PLA2R1: variants seen among roughly 807,000 people sequenced by gnomAD.
PLA2R1 encodes the protein secretory phospholipase A2 receptor.
A neutral mutation model predicts 195.9 loss-of-function variants in PLA2R1; 158 were observed. The observed-to-expected ratio is 0.81, with a 90% CI of 0.71 to 0.92. PLA2R1 has a LOEUF of 0.92. Among genes scored for constraint, PLA2R1 ranks in the 40% least tolerant of loss-of-function variants. The pLI, the probability that PLA2R1 is intolerant of heterozygous loss-of-function variation, is 0.00. For missense variants in PLA2R1, 1,626 were observed against 1,764.6 expected (o/e 0.92, Z 1.41); for synonymous variants, 586 against 598.2 (o/e 0.98, Z 0.30).
Position 160,024,764 on chromosome 2 carries a change from C to A in PLA2R1, c.1100-1905G>T, listed in dbSNP as rs549960654. The stretch of plus-strand genomic sequence containing the variant: ...ACATCCTGCCCTCCAACACAAACAG[C>A]TGTAGCACCTTGCCTTCCTGGAACT... On this transcript the variant is annotated intron_variant, in intron 6 of 29. Coordinates refer to ENST00000283243, the MANE Select transcript of PLA2R1 (RefSeq NM_007366.5). Among the ~76,000 whole-genome samples, 4 of 152,306 alleles carry A rather than the reference C, an allele frequency of 2.6e-5. No individual in the cohort carries two copies. In the East Asian group the frequency reaches 7.7e-4, roughly 29 times the overall value.
chr2:160,016,820 A>T, intron 8 of PLA2R1, 108 bp from the exon 9 acceptor site: 1 of 637,864 alleles, frequency 1.6e-6, no homozygotes, highest in Non-Finnish European at 2.8e-6. Flanking sequence ...CCCGCGTGGG[A>T]TAATGTTTCA....
rs910854860 is a variant in PLA2R1 at position 159,949,706 on chromosome 2, G to A, written c.3611C>T (p.Ser1204Phe). ...GGCAAAAACGCAGTCACCAAGGAGG[G>A]AGGACTCCTCATCTTTCCAAAAAGT... ...SFTFWKDEES[S>F]LLGDCVFADS... Residue 1204 changes from serine (S) to phenylalanine (F), a missense_variant, in exon 25 of 30, where the codon TCC (serine) becomes TTC (phenylalanine). Ser to Phe is a radical substitution (Grantham distance 155). Transcript: ENST00000283243. The A allele has an allele frequency of 2.5e-6, 4 of 1,613,602 alleles. No homozygotes were observed. The highest frequency in any genetic ancestry group is 2.7e-5 in the African/African-American group (2 of 74,936).
intron 3 of PLA2R1, among the ~76,000 whole-genome samples, chr2:160,035,984 T>G (rs764965870): frequency 2.6e-5 from 4 of 152,202 alleles, no homozygotes; most frequent in African/African-American, 9.6e-5. Context: ...TTCCCATGCC[T>G]GGCTACCCTT....
chr2:159,986,304 T>C (rs114720750), intron 12 of PLA2R1, among the ~76,000 whole-genome samples: 4,377 of 152,172 alleles, frequency 0.029, 104 homozygotes, highest in South Asian at 0.047. Flanking sequence ...GCGATGCAAA[T>C]ATTAAAAAAA....
chr2:159,975,972 C>A, intron 17 of PLA2R1, 96 bp downstream of exon 17: 1 of 875,170 alleles, frequency 1.1e-6, no homozygotes, highest in Non-Finnish European at 1.9e-6. Flanking sequence ...AAATAAATAT[C>A]CGAAGTCAAA....
intron 16 of PLA2R1, 138 bp from the exon 17 acceptor site, chr2:159,976,363 C>G: frequency 1.1e-5 from 6 of 555,242 alleles, no homozygotes; most frequent in South Asian, 2.4e-5. Context: ...CACACACAGA[C>G]ACATATGCAC....
At chr2:160,031,341 T>G (rs1181968157) in intron 4 of PLA2R1, among the ~76,000 whole-genome samples, 2 of 152,228 alleles carry the variant, frequency 1.3e-5, no homozygotes, top group Non-Finnish European at 2.9e-5. Context: ...CACTAACTTA[T>G]ACTACTATGT....
At chr2:159,994,790 A>G (rs1164261279) in intron 11 of PLA2R1, among the ~76,000 whole-genome samples, 1 of 151,102 alleles carries the variant, frequency 6.6e-6, no homozygotes, top group Non-Finnish European at 1.5e-5. Flanking sequence ...TACTAAGTTG[A>G]AAAAAAAATG....
chr2:160,004,609 G>C (rs1691846780), intron 11 of PLA2R1, among the ~76,000 whole-genome samples: 1 of 152,204 alleles, frequency 6.6e-6, no homozygotes, highest in Non-Finnish European at 1.5e-5. Context: ...GGGCCCCTAA[G>C]CCATTTCCTC....
At chr2:159,974,082 C>A (rs1689373983) in intron 17 of PLA2R1, among the ~76,000 whole-genome samples, 1 of 152,132 alleles carries the variant, frequency 6.6e-6, no homozygotes. Context: ...AAGTTCCCAG[C>A]AGAGCTAAGC....
At chr2:160,059,491 G>A (rs2105722503) in intron 1 of PLA2R1, among the ~76,000 whole-genome samples, 1 of 152,316 alleles carries the variant, frequency 6.6e-6, no homozygotes, top group Admixed American at 6.5e-5. Context: ...TACAGATGAG[G>A]AAACTGAGCT....
In PLA2R1 at chr2:159,947,492, A is replaced by C; in HGVS notation, c.3777T>G (p.Ser1259Arg). The C allele has an allele frequency of 6.2e-7, 1 of 1,613,090 alleles. No individual in the cohort carries two copies. The highest frequency in any genetic ancestry group is 1.1e-5 in the South Asian group (1 of 91,054). The change falls in exon 26 of 30, where the codon AGT becomes AGG. Residue 1259 changes from serine (S) to arginine (R), a missense_variant. By Grantham distance (110) the Ser-to-Arg change is moderately radical. Transcript: ENST00000283243. Reference protein sequence around the residue: ...ETSIPWIKFKSNCYSFSTVLD... With the variant: ...ETSIPWIKFKRNCYSFSTVLD... ...GGACTGTAGAAAAACTGTAGCAATT[A>C]CTTTTAAATTTTATCCAGGGAATAG...
At chr2:160,004,490 C>T (rs1691836199) in intron 11 of PLA2R1, among the ~76,000 whole-genome samples, 1 of 152,110 alleles carries the variant, frequency 6.6e-6, no homozygotes, top group African/African-American at 2.4e-5. Flanking sequence ...AGATATACCT[C>T]CCCCTGTGGC....
intron 3 of PLA2R1, 114 bp downstream of exon 3, chr2:160,041,911 G>A (rs1694543394): frequency 1.2e-6 from 1 of 809,282 alleles, no homozygotes. Context: ...TAGCATCAGG[G>A]TTCTTATTCA....
Position 160,062,423 on chromosome 2 carries a change from C to T in PLA2R1, c.-20G>A, listed in dbSNP as rs1412935391. Reference sequence around the variant, plus strand: ...CAGCATCGCTAACCACTGGGCTCTCCGGGAGCCCCTTGTCCCGGGAGCCCC... The same window carrying T: ...CAGCATCGCTAACCACTGGGCTCTCTGGGAGCCCCTTGTCCCGGGAGCCCC... On this transcript the variant is annotated 5_prime_UTR_variant, in exon 1 of 30. Transcript: ENST00000283243. The T allele has an allele frequency of 6.5e-7, 1 of 1,529,938 alleles. No homozygotes were observed. 94.8% of individuals were successfully genotyped at this position (1,529,938 alleles called of 1,614,324 possible).
chr2:159,949,853 C>T, intron 24 of PLA2R1, 77 bp from the exon 25 acceptor site: 2 of 1,139,576 alleles, frequency 1.8e-6, no homozygotes. Flanking sequence ...GAGCATGCTA[C>T]AATTCCCACA....
intron 10 of PLA2R1, among the ~76,000 whole-genome samples, chr2:160,013,001 A>T (rs1692470391): frequency 6.6e-6 from 1 of 152,340 alleles, no homozygotes; most frequent in African/African-American, 2.4e-5. Flanking sequence ...AAACATCTGA[A>T]TATATTAGAA....
At chr2:159,996,617 G>A (rs935778199) in intron 11 of PLA2R1, among the ~76,000 whole-genome samples, 1 of 151,986 alleles carries the variant, frequency 6.6e-6, no homozygotes, top group African/African-American at 2.4e-5. Context: ...AGTTATTATT[G>A]CTTCAAATAT....
chr2:160,062,104 G>A (rs529500858), intron 1 of PLA2R1, among the ~76,000 whole-genome samples, 191 bp downstream of exon 1: 3 of 152,026 alleles, frequency 2.0e-5, no homozygotes, highest in African/African-American at 7.2e-5. Flanking sequence ...GGGGTGCTGG[G>A]CCTAGACAAG....
Sources: allele counts gnomAD v4.1 joint callset (sites outside exome capture counted in the v4.1 genomes callset), GRCh38; gene constraint gnomAD v4.1.1; transcripts MANE v1.5; gene names NCBI Gene and HGNC (gene_info 2026-07-23, HGNC 2026-07-21).